AHI1: variants seen among roughly 807,000 people sequenced by gnomAD.
AHI1 encodes jouberin.
Under a neutral mutation model 149.3 loss-of-function variants are expected in AHI1, and 123 were observed. The ratio of observed to expected loss-of-function variants is 0.82; its 90% CI spans 0.71 to 0.96. AHI1 has a LOEUF of 0.96. Among genes scored for constraint, AHI1 ranks in the 40% least tolerant of loss-of-function variants. The pLI is 0.00. For missense variants in AHI1, 1,439 were observed against 1,422.7 expected, an observed-to-expected ratio of 1.01 and a Z score of -0.18; for synonymous variants, 475 against 459.8, an observed-to-expected ratio of 1.03 and a Z score of -0.42.
chr6:135,405,876 A>G (rs9494235), intron 21 of AHI1, among the ~76,000 whole-genome samples: 3 of 146,938 alleles, frequency 2.0e-5, no homozygotes, highest in Non-Finnish European at 4.5e-5. Flanking sequence ...AAAAAAAAAG[A>G]AAAAAAAAAG....
Position 135,383,122 on chromosome 6 carries a change from G to A in AHI1, c.3109+11654C>T, listed in dbSNP as rs12212038. Among the ~76,000 whole-genome samples, 7 of 146,688 alleles carry A rather than the reference G, an allele frequency of 4.8e-5. 1 individual carries two copies. The highest frequency in any genetic ancestry group is 1.0e-4 in the Non-Finnish European group (7 of 67,170). ...TGAATTAAAATATTTTTCATTATCAGAAATGTGTCCAACATTTTGTATATA... is the reference window on the plus strand; with the variant it reads ...TGAATTAAAATATTTTTCATTATCAAAAATGTGTCCAACATTTTGTATATA... On this transcript the variant is annotated intron_variant, in intron 23 of 28. Coordinates refer to ENST00000265602, the MANE Select transcript of AHI1 (RefSeq NM_001134831.2).
At chr6:135,395,674 T>C (rs558976073) in intron 22 of AHI1, among the ~76,000 whole-genome samples, 2,933 of 152,022 alleles carry the variant, frequency 0.019, 89 homozygotes, top group African/African-American at 0.066. Context: ...ATCTATCTTT[T>C]TTTCATTATT....
intron 16 of AHI1, among the ~76,000 whole-genome samples, chr6:135,432,683 T>C (rs920138732): frequency 2.0e-5 from 3 of 152,150 alleles, no homozygotes; most frequent in African/African-American, 4.8e-5. Context: ...GATAAAACTT[T>C]AAATAATTGC....
intron 5 of AHI1, among the ~76,000 whole-genome samples, chr6:135,469,159 C>G (rs1041354426): frequency 6.6e-6 from 1 of 152,210 alleles, no homozygotes; most frequent in African/African-American, 2.4e-5. Context: ...AGCTTATCCA[C>G]CACCATCAAG....
At chr6:135,317,588 T>C (rs1329884805) in intron 26 of AHI1, among the ~76,000 whole-genome samples, 1 of 152,004 alleles carries the variant, frequency 6.6e-6, no homozygotes, top group Non-Finnish European at 1.5e-5. Context: ...TTATAGTTTC[T>C]ACCAGAGTCT....
intron 27 of AHI1, among the ~76,000 whole-genome samples, chr6:135,293,448 C>A (rs1437871403): frequency 1.4e-5 from 2 of 140,650 alleles, no homozygotes; most frequent in South Asian, 2.3e-4. Flanking sequence ...AAAGAAAAGG[C>A]GCCCAGATTG....
intron 20 of AHI1, among the ~76,000 whole-genome samples, chr6:135,412,819 G>A (rs1432326212): frequency 6.6e-6 from 1 of 152,090 alleles, no homozygotes; most frequent in Non-Finnish European, 1.5e-5. Flanking sequence ...TCATAATATG[G>A]AATCAATGGA....
intron 14 of AHI1, among the ~76,000 whole-genome samples, chr6:135,441,119 A>T (rs1045078090): frequency 1.3e-5 from 2 of 152,084 alleles, no homozygotes; most frequent in Admixed American, 1.3e-4. Context: ...AAAAGAGAGT[A>T]TCAATAAAGA....
At chr6:135,457,381 C>G in intron 9 of AHI1, 113 bp downstream of exon 9, 1 of 732,858 alleles carries the variant, frequency 1.4e-6, no homozygotes, top group Admixed American at 2.6e-5. Flanking sequence ...GTAGACTATT[C>G]TCTAATACAA....
At chr6:135,374,096 ATATATATATATATTT>A (rs1482985841) in intron 23 of AHI1, among the ~76,000 whole-genome samples, 10 of 20,792 alleles carry the variant, frequency 4.8e-4, no homozygotes, top group African/African-American at 1.7e-3. Flanking sequence ...ATATATATAT[ATATATATATATATTT>A]TTTTTTTTTT....
intron 26 of AHI1, chr6:135,302,850 C>T: frequency 7.8e-7 from 1 of 1,282,944 alleles, no homozygotes; most frequent in Non-Finnish European, 1.0e-6. Flanking sequence ...GGCTGGTGTT[C>T]AATCAGCCCG....
At chr6:135,364,387 A>T (rs1255985512) in intron 23 of AHI1, among the ~76,000 whole-genome samples, 2 of 150,098 alleles carry the variant, frequency 1.3e-5, no homozygotes, top group Non-Finnish European at 3.0e-5. Context: ...AGCCGGGCAG[A>T]GACGCTCCTC....
At chr6:135,285,916 T>G (rs1041488744) in intron 28 of AHI1, among the ~76,000 whole-genome samples, 8 of 152,100 alleles carry the variant, frequency 5.3e-5, no homozygotes, top group Non-Finnish European at 8.8e-5. Context: ...AAGAAAGAAA[T>G]AAAATCCCCA....
At chr6:135,472,048 A>AAAAAAAAAAAAT (rs1791823527) in intron 5 of AHI1, among the ~76,000 whole-genome samples, 1 of 142,942 alleles carries the variant, frequency 7.0e-6, no homozygotes, top group Non-Finnish European at 1.5e-5. Flanking sequence ...AAAAAAAAAA[A>AAAAAAAAAAAAT]AGATATAGCT....
At chr6:135,353,918 T>G (rs553417612) in intron 24 of AHI1, among the ~76,000 whole-genome samples, 1 of 152,252 alleles carries the variant, frequency 6.6e-6, no homozygotes, top group East Asian at 1.9e-4. Context: ...TAATAGCTTT[T>G]AAAATTGGTC....
At position 135,358,137 on chromosome 6, in the gene AHI1, G is replaced by C. The variant is rs201691998; in HGVS notation, c.3160C>G (p.Pro1054Ala). 122 of 1,612,230 alleles carry C rather than the reference G, an allele frequency of 7.6e-5. No homozygotes were observed. Among genetic ancestry groups the C allele is most frequent in the Non-Finnish European group, 9.8e-5 (115 of 1,178,962 alleles). Reference protein sequence around the residue: ...KPCNHQVDTAPTVVALYDYTA... With the variant: ...KPCNHQVDTAATVVALYDYTA... ...GTAGCAACAGACTGTCTTACCGTTG[G>C]TGCTGTATCTACCTGATGGTTACAA... Residue 1054 changes from proline (P) to alanine (A), a missense_variant, in exon 24 of 29, where the codon CCA (proline) becomes GCA (alanine). By Grantham distance (27) the Pro-to-Ala change is conservative. Coordinates refer to ENST00000265602, the MANE Select transcript of AHI1 (RefSeq NM_001134831.2).
chr6:135,374,054 G>C (rs1775468697), intron 23 of AHI1, among the ~76,000 whole-genome samples: 1 of 145,498 alleles, frequency 6.9e-6, no homozygotes, highest in South Asian at 2.2e-4. Context: ...ACTGAAGGCA[G>C]AGATCTTTTC....
At chr6:135,452,705 C>A (rs951073791) in intron 11 of AHI1, among the ~76,000 whole-genome samples, 6 of 152,108 alleles carry the variant, frequency 3.9e-5, no homozygotes, top group Non-Finnish European at 7.4e-5. Flanking sequence ...GCAACCTCTT[C>A]ATGCACCATT....
At chr6:135,325,184 G>A (rs1787474662) in intron 24 of AHI1, among the ~76,000 whole-genome samples, 2 of 152,108 alleles carry the variant, frequency 1.3e-5, no homozygotes, top group South Asian at 4.2e-4. Flanking sequence ...CCACCACCGC[G>A]CCTGGCTAAT....
Sources: allele counts gnomAD v4.1 joint callset (sites outside exome capture counted in the v4.1 genomes callset), GRCh38; gene constraint gnomAD v4.1.1; transcripts MANE v1.5; gene names NCBI Gene and HGNC (gene_info 2026-07-23, HGNC 2026-07-21).